The following DRC3 variants were observed in gnomAD, a reference collection of about 807,000 sequenced individuals.
DRC3 encodes the protein leucine rich repeat containing 48.
A neutral mutation model predicts 57.6 loss-of-function variants in DRC3; 45 were observed. That is an observed-to-expected ratio of 0.78 (90% confidence interval 0.62 to 1.00). The LOEUF (loss-of-function observed/expected upper bound fraction) is 1.00, where lower values mean the gene tolerates loss of function less well. DRC3 is among the 50% of genes least tolerant of loss of function. The probability of loss-of-function intolerance (pLI) is 0.00; values close to 1 mark genes in which losing one functional copy is unlikely to be tolerated. For missense variants in DRC3, 655 were observed against 675.2 expected, an observed-to-expected ratio of 0.97 and a Z score of 0.33; for synonymous variants, 257 against 272.3, an observed-to-expected ratio of 0.94 and a Z score of 0.55.
chr17:18,000,216 A>G, intron 9 of DRC3, among the ~76,000 whole-genome samples: 1 of 139,104 alleles, frequency 7.2e-6, no homozygotes, highest in East Asian at 2.2e-4. Context: ...GTGTGTGCAT[A>G]GCATGCCGTT....
intron 2 of DRC3, among the ~76,000 whole-genome samples, chr17:17,976,750 C>A (rs2042404579): frequency 6.6e-6 from 1 of 152,170 alleles, no homozygotes; most frequent in African/African-American, 2.4e-5. Context: ...ATGTGAGAAA[C>A]AGGAAACTCT....
chr17:17,999,978 TCGTG>T (rs1030237367), intron 9 of DRC3, among the ~76,000 whole-genome samples: 3 of 151,602 alleles, frequency 2.0e-5, no homozygotes, highest in African/African-American at 7.3e-5. Flanking sequence ...TACTTTGCTT[TCGTG>T]TGTGTGTGTG....
intron 1 of DRC3, chr17:17,973,619 A>G (rs2042241374): frequency 6.6e-6 from 1 of 152,008 alleles, no homozygotes; most frequent in Non-Finnish European, 1.5e-5. Flanking sequence ...AATTTTGTTC[A>G]TTATTTATTT....
intron 3 of DRC3, chr17:17,977,972 G>A (rs1430720134): frequency 6.4e-6 from 3 of 469,558 alleles, no homozygotes; most frequent in Admixed American, 7.7e-5. Context: ...ACGACGCTCC[G>A]GATTCTGAAT....
chr17:17,994,165 C>A (rs2043352350), intron 6 of DRC3, 134 bp from the exon 7 acceptor site: 5 of 1,212,982 alleles, frequency 4.1e-6, no homozygotes, highest in Non-Finnish European at 5.6e-6. Context: ...ATGGCTTTCA[C>A]AGCCTTCATG....
chr17:18,004,592 C>T (rs953406278), intron 10 of DRC3, 98 bp downstream of exon 10: 27 of 1,375,010 alleles, frequency 2.0e-5, no homozygotes, highest in South Asian at 1.6e-4. Context: ...CTGCTGGAAA[C>T]GTCCAGCACG....
At chr17:18,007,339 C>A in intron 12 of DRC3, 192 bp downstream of exon 12, 1 of 1,485,066 alleles carries the variant, frequency 6.7e-7, no homozygotes, top group Middle Eastern at 1.7e-4. Context: ...GTGGGGCACC[C>A]AGTGGGGCCC....
intron 4 of DRC3, among the ~76,000 whole-genome samples, chr17:17,985,154 A>T (rs1013519210): frequency 1.3e-5 from 2 of 152,196 alleles, no homozygotes; most frequent in African/African-American, 4.8e-5. Context: ...ACTGAGCCCC[A>T]TGACAGCTCC....
chr17:18,015,960 C>A, intron 12 of DRC3, 104 bp from the exon 13 acceptor site: 1 of 1,284,558 alleles, frequency 7.8e-7, no homozygotes, highest in Non-Finnish European at 1.1e-6. Flanking sequence ...TGAGTGTGGC[C>A]TGCACAGCCA....
intron 5 of DRC3, among the ~76,000 whole-genome samples, chr17:17,992,030 T>C (rs1402983876): frequency 6.6e-6 from 1 of 152,150 alleles, no homozygotes; most frequent in Non-Finnish European, 1.5e-5. Context: ...ATTCCAACCC[T>C]TTGGGAGGCC....
Position 17,997,617 on chromosome 17 carries a change from G to C in DRC3, c.982G>C (p.Glu328Gln), listed in dbSNP as rs372168615. Residue 328 changes from glutamate (E) to glutamine (Q), a missense_variant, in exon 9 of 14, where the codon GAG becomes CAG. Glu to Gln is a conservative substitution (Grantham distance 29). Coordinates refer to ENST00000399187, the MANE Select transcript of DRC3 (RefSeq NM_031294.4). ...EQGKRKIAKFEEKHLSSLSAI... is the reference protein window; with the variant it reads ...EQGKRKIAKFQEKHLSSLSAI... Reference sequence around the variant, plus strand: ...GGGCAAACGCAAGATTGCCAAATTCGAGGAGAAGCACTTGTCGGTAGGCCC... The same window carrying C: ...GGGCAAACGCAAGATTGCCAAATTCCAGGAGAAGCACTTGTCGGTAGGCCC... The C allele has an allele frequency of 1.2e-6, 2 of 1,607,838 alleles. No individual in the cohort carries two copies. The highest frequency in any genetic ancestry group is 2.2e-5 in the South Asian group (2 of 89,982).
At chr17:17,987,499 T>C (rs1289144709) in intron 4 of DRC3, among the ~76,000 whole-genome samples, 3 of 152,096 alleles carry the variant, frequency 2.0e-5, no homozygotes, top group Non-Finnish European at 4.4e-5. Context: ...TGTCAGAGGA[T>C]ATACACGAGT....
At chr17:18,014,827 T>G (rs1301517305) in intron 12 of DRC3, among the ~76,000 whole-genome samples, 1 of 152,216 alleles carries the variant, frequency 6.6e-6, no homozygotes, top group Non-Finnish European at 1.5e-5. Context: ...TACACACCTT[T>G]GAACCATTCC....
chr17:18,000,088 G>A lies in DRC3; in HGVS notation c.999+2454G>A, dbSNP rs933600901. Among the ~76,000 whole-genome samples the A allele has an allele frequency of 3.3e-5, 5 of 151,808 alleles. No individual in the cohort carries two copies. In the South Asian group the frequency reaches 1.0e-3, roughly 32 times the overall value. Reference sequence around the variant, plus strand: ...TTGTACTTTGCTTTCGTGTGTGTGTGTGTGTGTGTGTGTGTGTGAGCATAG... The same window carrying A: ...TTGTACTTTGCTTTCGTGTGTGTGTATGTGTGTGTGTGTGTGTGAGCATAG... On this transcript the variant is annotated intron_variant, in intron 9 of 13. Coordinates refer to ENST00000399187, the MANE Select transcript of DRC3 (RefSeq NM_031294.4).
At chr17:17,985,867 C>T (rs948388070) in intron 4 of DRC3, among the ~76,000 whole-genome samples, 2 of 152,192 alleles carry the variant, frequency 1.3e-5, no homozygotes, top group Admixed American at 1.3e-4. Flanking sequence ...CAAACCCCAG[C>T]TTGGCCAACA....
At chr17:18,011,873 A>AGTGCAGTG (rs1270254823) in intron 12 of DRC3, 2 of 154,742 alleles carry the variant, frequency 1.3e-5, no homozygotes, top group Non-Finnish European at 2.9e-5. Context: ...CCCAGGCTGG[A>AGTGCAGTG]GTGCAGTGGT....
intron 9 of DRC3, 27 bp from the exon 10 acceptor site, chr17:18,004,336 T>G: frequency 6.3e-7 from 1 of 1,584,986 alleles, no homozygotes. Context: ...AGTTGTTGAT[T>G]CCTAAAGTGC....
Position 18,008,252 on chromosome 17 carries a change from T to A in DRC3, c.1326+1105T>A, listed in dbSNP as rs1195392198. On this transcript the variant is annotated intron_variant, in intron 12 of 13. Transcript: ENST00000399187. This position sits in a 1 kb window ranked among gnomAD's most constrained non-coding sequence, Gnocchi z 4.3. ...TGTCATTCAGATTTCAGCTTGACTA[T>A]CAGCTCTTGGGAGAGGCCTTTCTTC... 5.3e-5 allele frequency among the ~76,000 whole-genome samples: 8 copies of A among 152,338 alleles called. No homozygotes were observed. The highest frequency in any genetic ancestry group is 1.7e-4 in the African/African-American group (7 of 41,578).
intron 4 of DRC3, among the ~76,000 whole-genome samples, chr17:17,986,710 C>T (rs907580531): frequency 3.6e-4 from 55 of 152,174 alleles, no homozygotes; most frequent in African/African-American, 1.3e-3. Flanking sequence ...GTGATCCCCC[C>T]GCCTCGGCCT....
Sources: gnomAD v4.1 joint callset for allele counts (sites outside exome capture counted in the v4.1 genomes callset) on GRCh38, gnomAD v4.1.1 for gene constraint, Gnocchi (gnomAD v3.1) non-coding constraint, MANE v1.5 for transcripts, NCBI Gene and HGNC (gene_info 2026-07-23, HGNC 2026-07-21) for gene names.